The following SEMA5A variants were observed in gnomAD, a reference collection of about 807,000 sequenced individuals.
SEMA5A encodes the protein semaphorin-5A.
Under a neutral mutation model 135.5 loss-of-function variants are expected in SEMA5A, and 55 were observed. The ratio of observed to expected loss-of-function variants is 0.41; its 90% confidence interval spans 0.33 to 0.51. The LOEUF is 0.51. SEMA5A is among the 20% of genes least tolerant of loss of function. SEMA5A has a pLI of 0.37. For synonymous variants in SEMA5A, 580 were observed against 546.5 expected (o/e 1.06, Z -0.85); for missense variants, 1,290 against 1,419.9 (o/e 0.91, Z 1.47).
At chr5:9,045,089 A>G (rs1736179073) in intron 21 of SEMA5A, among the ~76,000 whole-genome samples, 1 of 152,138 alleles carries the variant, frequency 6.6e-6, no homozygotes, top group Non-Finnish European at 1.5e-5. Flanking sequence ...CTGGCAGAGC[A>G]CAGGATATTT....
chr5:9,462,380 G>A (rs2126731852), intron 1 of SEMA5A, among the ~76,000 whole-genome samples: 1 of 152,332 alleles, frequency 6.6e-6, no homozygotes, highest in South Asian at 2.1e-4. Flanking sequence ...TGGTGGGAGT[G>A]TAAATTAGTT....
intron 10 of SEMA5A, among the ~76,000 whole-genome samples, chr5:9,196,878 A>G (rs909398687): frequency 7.2e-5 from 11 of 152,314 alleles, no homozygotes; most frequent in South Asian, 2.1e-4. Context: ...CATCATTAGT[A>G]CTAATTGAAG....
chr5:9,513,068 A>AAAAT (rs1554044105), intron 1 of SEMA5A, among the ~76,000 whole-genome samples: 6 of 143,722 alleles, frequency 4.2e-5, no homozygotes, highest in Non-Finnish European at 9.1e-5. Flanking sequence ...ATATATATAT[A>AAAAT]ATATATATAT....
chr5:9,284,720 T>C (rs1313986787), intron 5 of SEMA5A, among the ~76,000 whole-genome samples: 3 of 152,230 alleles, frequency 2.0e-5, no homozygotes, highest in Non-Finnish European at 4.4e-5. Flanking sequence ...TAAGATGTTT[T>C]TGTATAAAAT....
At position 9,320,175 on chromosome 5, in the gene SEMA5A, C is replaced by T. The variant is rs144064919; in HGVS notation, c.225-1758G>A. Among the ~76,000 whole-genome samples the T allele has an allele frequency of 5.0e-4, 76 of 152,010 alleles. No individual in the cohort carries two copies. The East Asian group carries it at 0.014, about 29-fold the overall frequency. On this transcript the variant is annotated intron_variant, in intron 4 of 22. Transcript: ENST00000382496. ...TCACCCAAACCACAGCAATAGTCTC[C>T]TTACCACACTCTTTCCACCTTTCAA...
chr5:9,533,020 A>T (rs1469166505), intron 1 of SEMA5A, among the ~76,000 whole-genome samples: 1 of 152,216 alleles, frequency 6.6e-6, no homozygotes, highest in Non-Finnish European at 1.5e-5. Flanking sequence ...CCATGCTTAC[A>T]AATAGAGGTT....
At chr5:9,088,659 T>TATATACACAC in intron 16 of SEMA5A, among the ~76,000 whole-genome samples, 35 of 112,858 alleles carry the variant, frequency 3.1e-4, no homozygotes, top group East Asian at 2.0e-3. Flanking sequence ...TATATATATA[T>TATATACACAC]ACACACACAC....
chr5:9,349,586 C>T (rs1257148501), intron 3 of SEMA5A, among the ~76,000 whole-genome samples: 1 of 152,130 alleles, frequency 6.6e-6, no homozygotes. Flanking sequence ...TTTTGTATGT[C>T]CCAGTAGCCA....
chr5:9,377,840 T>C (rs1014295464), intron 3 of SEMA5A, among the ~76,000 whole-genome samples: 9 of 152,068 alleles, frequency 5.9e-5, no homozygotes, highest in African/African-American at 2.2e-4. Flanking sequence ...GTGGGCACCT[T>C]TGGTGCTCAA....
intron 18 of SEMA5A, among the ~76,000 whole-genome samples, chr5:9,061,069 T>C (rs1354770140): frequency 1.3e-5 from 2 of 151,666 alleles, no homozygotes; most frequent in Non-Finnish European, 2.9e-5. Context: ...GATTTCTCCT[T>C]GGTGAAATCC....
chr5:9,086,343 C>T (rs939817185), intron 16 of SEMA5A, among the ~76,000 whole-genome samples: 10 of 152,158 alleles, frequency 6.6e-5, no homozygotes, highest in Middle Eastern at 3.4e-3. Flanking sequence ...ATTATTCCCA[C>T]GTGTTGTGGG....
intron 12 of SEMA5A, among the ~76,000 whole-genome samples, chr5:9,145,833 T>TG (rs1237809533): frequency 5.4e-5 from 8 of 147,932 alleles, no homozygotes; most frequent in African/African-American, 1.3e-4. Flanking sequence ...TTAGCAGAGA[T>TG]GGGGTTTCAT....
At chr5:9,092,231 G>A (rs535110555) in intron 16 of SEMA5A, among the ~76,000 whole-genome samples, 165 of 152,318 alleles carry the variant, frequency 1.1e-3, no homozygotes, top group African/African-American at 3.9e-3. Flanking sequence ...TGTGCATGAG[G>A]TGCAGCATGG....
intron 8 of SEMA5A, among the ~76,000 whole-genome samples, chr5:9,213,768 C>T (rs929704708): frequency 4.6e-5 from 7 of 152,134 alleles, no homozygotes; most frequent in Non-Finnish European, 8.8e-5. Flanking sequence ...TATTCACTGG[C>T]CCTTTATAGA....
At chr5:9,499,471 G>A (rs934764322) in intron 1 of SEMA5A, among the ~76,000 whole-genome samples, 5 of 152,116 alleles carry the variant, frequency 3.3e-5, no homozygotes, top group Admixed American at 2.6e-4. Context: ...CACAAAGGAT[G>A]CCTCATTGAC....
intron 1 of SEMA5A, among the ~76,000 whole-genome samples, chr5:9,492,737 C>T (rs1476262377): frequency 6.6e-6 from 1 of 152,136 alleles, no homozygotes; most frequent in Non-Finnish European, 1.5e-5. Flanking sequence ...ACCTTTAATG[C>T]ATATTACTAC....
chr5:9,283,727 C>T (rs545433978), intron 5 of SEMA5A, among the ~76,000 whole-genome samples: 2 of 152,276 alleles, frequency 1.3e-5, no homozygotes, highest in African/African-American at 4.8e-5. Flanking sequence ...GCTACTGTAC[C>T]AGTTTGCCTC....
At position 9,066,407 on chromosome 5, in the gene SEMA5A, G is replaced by T; in HGVS notation, c.2299+14C>A. The stretch of plus-strand genomic sequence containing the variant: ...CCATGGAAGTGGGTCAGTCCCCACG[G>T]AATCACTACTCACCATCTGTGGAGC... On this transcript the variant is annotated intron_variant, in intron 17 of 22. Transcript: ENST00000382496. 1.9e-6 allele frequency: 3 copies of T among 1,612,310 alleles called. No homozygotes were observed. In the Admixed American group the frequency reaches 5.0e-5, roughly 27 times the overall value.
intron 3 of SEMA5A, among the ~76,000 whole-genome samples, chr5:9,344,807 A>G (rs1236585838): frequency 6.6e-6 from 1 of 152,224 alleles, no homozygotes; most frequent in African/African-American, 2.4e-5. Flanking sequence ...TACTATTTTC[A>G]GTATAACTCC....
Sources: allele counts gnomAD v4.1 joint callset (sites outside exome capture counted in the v4.1 genomes callset), GRCh38; gene constraint gnomAD v4.1.1; transcripts MANE v1.5; gene names NCBI Gene and HGNC (gene_info 2026-07-23, HGNC 2026-07-21).